The following TOR2A variants were observed in gnomAD, a reference collection of about 807,000 sequenced individuals.
The protein encoded by TOR2A is prosalusin.
In TOR2A, 24 loss-of-function variants were observed where a neutral mutation model predicts 28.6. The observed-to-expected ratio is 0.84, with a 90% CI of 0.61 to 1.18. TOR2A has a LOEUF of 1.18. Ranked by LOEUF, TOR2A falls within the 50% of genes most tolerant of loss-of-function variation. The probability of loss-of-function intolerance (pLI) is 0.00; values close to 1 mark genes in which losing one functional copy is unlikely to be tolerated. For synonymous variants in TOR2A, 203 were observed against 203.1 expected, an observed-to-expected ratio of 1.00 and a Z score of 0.00; for missense variants, 426 against 448.1, an observed-to-expected ratio of 0.95 and a Z score of 0.45.
At chr9:127,734,221 C>A (rs1844588055) in intron 2 of TOR2A, 78 bp downstream of exon 2, 3 of 1,487,924 alleles carry the variant, frequency 2.0e-6, no homozygotes, top group South Asian at 1.4e-5. Flanking sequence ...CAGGTGACTC[C>A]CCTGTCTGGG....
chr9:127,734,210 G>A (rs1844587683), intron 2 of TOR2A, 89 bp downstream of exon 2: 3 of 1,466,618 alleles, frequency 2.0e-6, no homozygotes, highest in African/African-American at 1.4e-5. Flanking sequence ...GTGGCCTGGA[G>A]CAGGTGACTC....
In TOR2A at chr9:127,731,991, C is replaced by T; in HGVS notation, c.*43G>A. The T allele has an allele frequency of 1.3e-6, 2 of 1,585,966 alleles. No individual in the cohort carries two copies. Among genetic ancestry groups the T allele is most frequent in the Non-Finnish European group, 1.7e-6 (2 of 1,165,354 alleles). ...TGACAGAGGCCCCTGGCCTTTCCTG[C>T]ATGGCCTGGCCATCAGGGGGGCCGA... On this transcript the variant is annotated 3_prime_UTR_variant, in exon 5 of 5. Transcript: ENST00000373284.
Position 127,731,743 on chromosome 9 carries a change from C to T in TOR2A, c.*291G>A. ...GTGGCAGACTGAGGAGGGAGCACCG[C>T]CACGAGCCACAGTCCCTGAGTTATA... On this transcript the variant is annotated 3_prime_UTR_variant, in exon 5 of 5. Coordinates refer to ENST00000373284, the MANE Select transcript of TOR2A (RefSeq NM_001085347.3). 1 of 666,898 alleles carries T rather than the reference C, an allele frequency of 1.5e-6. No individual in the cohort carries two copies. Among genetic ancestry groups the T allele is most frequent in the East Asian group, 3.2e-5 (1 of 31,342 alleles). 41.3% of individuals were successfully genotyped at this position (666,898 alleles called of 1,614,324 possible). A position where few individuals can be genotyped will look rare whatever the true frequency, so the allele number is the denominator to read the frequency against.
Position 127,732,135 on chromosome 9 carries a change from G to A in TOR2A, c.865C>T (p.Gln289Ter). 1.2e-6 allele frequency: 2 copies of A among 1,613,664 alleles called. No individual in the cohort carries two copies. The highest frequency in any genetic ancestry group is 1.7e-6 in the Non-Finnish European group (2 of 1,180,010). Residue 289 changes from glutamine (Q) to a stop codon, truncating the protein, a stop_gained, in exon 5 of 5, where the codon CAG (glutamine) becomes TAG (stop). Transcript: ENST00000373284. LOFTEE classifies it high-confidence loss of function. ...LGLEPRDEVV[Q>*]AVLDSTTFFP... ...AAGGTGGTGCTGTCCAGCACAGCCT[G>A]GACAACCTCATCCCTTGGCTCCAGG...
chr9:127,733,595 G>C (rs1271532393), intron 2 of TOR2A, 35 bp from the exon 3 acceptor site: 29 of 1,561,816 alleles, frequency 1.9e-5, no homozygotes, highest in Non-Finnish European at 2.4e-5. Context: ...AGGGGAGCTG[G>C]AGAAACTCCC....
intron 3 of TOR2A, chr9:127,732,999 CAG>C (rs1481380340): frequency 2.2e-6 from 3 of 1,381,572 alleles, no homozygotes; most frequent in Non-Finnish European, 2.8e-6. Context: ...GAAGCAGAGA[CAG>C]AGGCTCAGAG....
chr9:127,731,766 A>T lies in TOR2A; in HGVS notation c.*268T>A. The T allele has an allele frequency of 1.4e-6, 1 of 702,620 alleles. No individual in the cohort carries two copies. The highest frequency in any genetic ancestry group is 2.2e-6 in the Non-Finnish European group (1 of 454,078). 43.5% of individuals were successfully genotyped at this position (702,620 alleles called of 1,614,324 possible). ...CGCCACGAGCCACAGTCCCTGAGTT[A>T]TAATTCACAGTAAGAAGGCTCAGGC... is the stretch of plus-strand genomic sequence containing the variant. On this transcript the variant is annotated 3_prime_UTR_variant, in exon 5 of 5. Coordinates refer to ENST00000373284, the MANE Select transcript of TOR2A (RefSeq NM_001085347.3).
At chr9:127,734,043 A>T in intron 2 of TOR2A, 1 of 458,220 alleles carries the variant, frequency 2.2e-6, no homozygotes, top group South Asian at 5.0e-5. Context: ...GATATCTGCA[A>T]TGGTATAATC....
In TOR2A at chr9:127,735,226, G is replaced by T; in HGVS notation, c.45C>A (p.Leu15=). Residue 15 remains leucine, a synonymous_variant, in exon 1 of 5, where the codon CTC becomes CTA. Transcript: ENST00000373284. ...TRGCRPWGSL[L]GLLGLVSAAA... ...CGGCCGAGACCAGCCCGAGCAGCCC[G>T]AGGAGCGAGCCCCAGGGCCGGCAGC... The T allele has an allele frequency of 6.8e-7, 1 of 1,463,312 alleles. No homozygotes were observed. Among genetic ancestry groups the T allele is most frequent in the South Asian group, 1.3e-5 (1 of 76,070 alleles). The allele number at this position is 1,463,312 out of a possible 1,614,324, so 90.6% of individuals were successfully genotyped here.
intron 3 of TOR2A, 181 bp from the exon 4 acceptor site, chr9:127,732,872 C>T: frequency 7.0e-7 from 1 of 1,426,958 alleles, no homozygotes; most frequent in Non-Finnish European, 9.1e-7. Context: ...CCCTGTAATT[C>T]ACCTACACAT....
chr9:127,732,471 C>T (rs1844480671), intron 4 of TOR2A, 93 bp downstream of exon 4: 18 of 1,462,226 alleles, frequency 1.2e-5, no homozygotes, highest in Middle Eastern at 4.6e-4. Context: ...TCAGAACTGC[C>T]GGGTCAGTGG....
intron 1 of TOR2A, 78 bp downstream of exon 1, chr9:127,735,042 C>A: frequency 7.3e-7 from 1 of 1,361,410 alleles, no homozygotes; most frequent in Non-Finnish European, 9.4e-7. Flanking sequence ...CGGCGCCAGC[C>A]GGGCTCCCAG....
chr9:127,733,847 C>T (rs1251847338), intron 2 of TOR2A: 7 of 483,140 alleles, frequency 1.4e-5, no homozygotes, highest in African/African-American at 1.4e-4. Flanking sequence ...AGGCTCCTTC[C>T]TGCTCCCTGA....
At chr9:127,732,776 G>A (rs1410580171) in intron 3 of TOR2A, 85 bp from the exon 4 acceptor site, 16 of 1,505,786 alleles carry the variant, frequency 1.1e-5, no homozygotes, top group Non-Finnish European at 1.4e-5. Context: ...GCTGCCACCT[G>A]ACATAGGAAC....
At chr9:127,733,602 TCCC>T (rs767738812) in intron 2 of TOR2A, 42 bp from the exon 3 acceptor site, 1 of 1,546,288 alleles carries the variant, frequency 6.5e-7, no homozygotes, top group Non-Finnish European at 8.7e-7. Context: ...CTGGAGAAAC[TCCC>T]CCAACACCAG....
chr9:127,735,263 G>C lies in TOR2A; in HGVS notation c.8C>G (p.Ala3Gly), dbSNP rs1387349489. Residue 3 changes from alanine to glycine, a missense_variant, in exon 1 of 5, where the codon GCT becomes GGT. Coordinates refer to ENST00000373284, the MANE Select transcript of TOR2A (RefSeq NM_001085347.3). MA[A>G]ATRGCRPWGS... ...CCAGGGCCGGCAGCCGCGCGTCGCAGCCGCCATCCGGGTGAGGCCCGAGCT... is the reference window on the plus strand; with the variant it reads ...CCAGGGCCGGCAGCCGCGCGTCGCACCCGCCATCCGGGTGAGGCCCGAGCT... 7.1e-7 allele frequency: 1 copy of C among 1,400,970 alleles called. No individual in the cohort carries two copies. The highest frequency in any genetic ancestry group is 1.5e-5 in the African/African-American group (1 of 66,136). 86.8% of individuals were successfully genotyped at this position (1,400,970 alleles called of 1,614,324 possible). A position where few individuals can be genotyped will look rare whatever the true frequency, so the allele number is the denominator to read the frequency against.
intron 4 of TOR2A, 24 bp downstream of exon 4, chr9:127,732,539 GA>G: frequency 6.4e-7 from 1 of 1,565,538 alleles, no homozygotes; most frequent in Admixed American, 1.8e-5. Context: ...AGCTGCCCGG[GA>G]GGGGGCTGCT....
rs754016193 is a variant in TOR2A, at chr9:127,733,472, C to A, written c.506G>T (p.Gly169Val). The change falls in exon 3 of 5, where the codon GGC (glycine) becomes GTC (valine). Residue 169 changes from glycine (G) to valine (V), a missense_variant. Gly to Val is a moderately radical substitution (Grantham distance 109). Transcript: ENST00000373284. ...LFDEMDKMPP[G>V]LMEVLRPFLG... Reference sequence around the variant, plus strand: ...GAAAGGCCGCAGGACTTCCATCAGGCCTGGGGGCATCTTGTCCATCTCATC... The same window carrying A: ...GAAAGGCCGCAGGACTTCCATCAGGACTGGGGGCATCTTGTCCATCTCATC... 1 of 1,613,968 alleles carries A rather than the reference C, an allele frequency of 6.2e-7. No homozygotes were observed. The highest frequency in any genetic ancestry group is 8.5e-7 in the Non-Finnish European group (1 of 1,180,018).
intron 3 of TOR2A, chr9:127,732,892 T>C: frequency 7.0e-7 from 1 of 1,420,720 alleles, no homozygotes; most frequent in Non-Finnish European, 9.1e-7. Flanking sequence ...TGCCACGTAC[T>C]TTATAGTTTA....
Sources: allele counts gnomAD v4.1 joint callset, GRCh38; gene constraint gnomAD v4.1.1; transcripts MANE v1.5; gene names NCBI Gene and HGNC (gene_info 2026-07-23, HGNC 2026-07-21).